The following IQCJ variants were observed in gnomAD, a reference collection of about 807,000 sequenced individuals.
The protein encoded by IQCJ is IQ motif containing J, also known as IQ domain-containing protein J.
IQCJ carries 9 observed loss-of-function variants against 11.0 expected under a neutral mutation model. The observed-to-expected ratio is 0.82, with a 90% CI of 0.49 to 1.43. The LOEUF is 1.43. IQCJ is among the 40% of genes most tolerant of loss of function. The pLI, the probability that IQCJ is intolerant of heterozygous loss-of-function variation, is 0.00. For missense variants in IQCJ, 146 were observed against 133.2 expected (o/e 1.10, Z -0.47); for synonymous variants, 55 against 51.3 (o/e 1.07, Z -0.31).
intron 1 of IQCJ, among the ~76,000 whole-genome samples, chr3:159,077,392 CAT>C (rs1456536325): frequency 1.3e-5 from 2 of 152,168 alleles, no homozygotes; most frequent in Middle Eastern, 3.4e-3. Flanking sequence ...TGAGCAAAGA[CAT>C]GTGGTGAAGT....
At chr3:159,078,223 A>G (rs542746391) in intron 1 of IQCJ, among the ~76,000 whole-genome samples, 2 of 123,566 alleles carry the variant, frequency 1.6e-5, no homozygotes, top group Admixed American at 8.3e-5. Flanking sequence ...TACACAGGGG[A>G]CTTTTTTACA....
intron 3 of IQCJ, among the ~76,000 whole-genome samples, chr3:159,258,424 T>C (rs1329689822): frequency 6.6e-6 from 1 of 152,112 alleles, no homozygotes; most frequent in African/African-American, 2.4e-5. Context: ...CCAAAGCTCG[T>C]GGGTAAAGAG....
chr3:159,081,606 T>C lies in IQCJ; in HGVS notation c.9+12165T>C, dbSNP rs1204698034. Among the ~76,000 whole-genome samples, 3 of 152,130 alleles carry C rather than the reference T, an allele frequency of 2.0e-5. No homozygotes were observed. In the East Asian group the frequency reaches 5.8e-4, roughly 29 times the overall value. Reference sequence around the variant, plus strand: ...ACAAATGAGCACATCATTTTTTCAGTGTGGTTGACCAAATCCTTCCCATTT... The same window carrying C: ...ACAAATGAGCACATCATTTTTTCAGCGTGGTTGACCAAATCCTTCCCATTT... On this transcript the variant is annotated intron_variant, in intron 1 of 3. Coordinates refer to ENST00000397832, the MANE Select transcript of IQCJ (RefSeq NM_001042706.3).
At chr3:159,172,845 T>C (rs1722564753) in intron 1 of IQCJ, among the ~76,000 whole-genome samples, 1 of 152,146 alleles carries the variant, frequency 6.6e-6, no homozygotes, top group Non-Finnish European at 1.5e-5. Flanking sequence ...GAAACTCATC[T>C]CTATTCACTA....
At chr3:159,213,150 G>A (rs920820208) in intron 1 of IQCJ, among the ~76,000 whole-genome samples, 1 of 152,166 alleles carries the variant, frequency 6.6e-6, no homozygotes, top group Admixed American at 6.5e-5. Flanking sequence ...TCCAGAACAG[G>A]TAAGAATGCC....
chr3:159,149,624 A>G (rs1352515907), intron 1 of IQCJ, among the ~76,000 whole-genome samples: 2 of 152,206 alleles, frequency 1.3e-5, no homozygotes, highest in Admixed American at 6.5e-5. Context: ...GAAAGCCTTC[A>G]TTTTGAAGCA....
intron 1 of IQCJ, among the ~76,000 whole-genome samples, chr3:159,081,940 C>T (rs528045483): frequency 2.3e-4 from 35 of 152,190 alleles, no homozygotes; most frequent in African/African-American, 7.9e-4. Context: ...TGCTTGTATT[C>T]AAACAAAACA....
At chr3:159,078,628 G>A (rs1279734353) in intron 1 of IQCJ, among the ~76,000 whole-genome samples, 2 of 151,244 alleles carry the variant, frequency 1.3e-5, no homozygotes, top group Admixed American at 1.3e-4. Context: ...AATGTGAAGT[G>A]GTTTAGTATT....
chr3:159,083,995 G>A (rs1363568613), intron 1 of IQCJ, among the ~76,000 whole-genome samples: 5 of 151,978 alleles, frequency 3.3e-5, no homozygotes, highest in Admixed American at 6.6e-5. Context: ...TGTGGTAGTC[G>A]TTACATGAAC....
chr3:159,116,461 T>C (rs921295980), intron 1 of IQCJ, among the ~76,000 whole-genome samples: 4 of 151,456 alleles, frequency 2.6e-5, no homozygotes, highest in Non-Finnish European at 1.5e-5. Flanking sequence ...TTCAAGAAGA[T>C]TGTGGATCTC....
At chr3:159,178,783 T>C (rs1424908022) in intron 1 of IQCJ, among the ~76,000 whole-genome samples, 44 of 152,110 alleles carry the variant, frequency 2.9e-4, no homozygotes, top group East Asian at 1.9e-4. Context: ...ATTATCTCAG[T>C]TGTAGGAGAA....
At chr3:159,206,897 T>C (rs1287168175) in intron 1 of IQCJ, among the ~76,000 whole-genome samples, 1 of 152,234 alleles carries the variant, frequency 6.6e-6, no homozygotes, top group African/African-American at 2.4e-5. Flanking sequence ...CTAGTTTAGA[T>C]CTTTCAAGTA....
chr3:159,139,388 CTG>C (rs1322261662), intron 1 of IQCJ, among the ~76,000 whole-genome samples: 9 of 152,150 alleles, frequency 5.9e-5, no homozygotes, highest in Non-Finnish European at 1.2e-4. Flanking sequence ...TGCTGTGAGA[CTG>C]TGTGACTTGG....
intron 1 of IQCJ, among the ~76,000 whole-genome samples, chr3:159,175,397 G>A (rs1306624619): frequency 6.6e-6 from 1 of 152,192 alleles, no homozygotes; most frequent in African/African-American, 2.4e-5. Context: ...CTTGAGCCCA[G>A]GAAGTCAAGG....
At chr3:159,127,284 G>C (rs768514351) in intron 1 of IQCJ, among the ~76,000 whole-genome samples, 1 of 152,168 alleles carries the variant, frequency 6.6e-6, no homozygotes, top group African/African-American at 2.4e-5. Context: ...AGAGGGAGTT[G>C]GGGAGGCAGG....
At chr3:159,195,630 C>T (rs1560021355) in intron 1 of IQCJ, among the ~76,000 whole-genome samples, 1 of 152,176 alleles carries the variant, frequency 6.6e-6, no homozygotes, top group South Asian at 2.1e-4. Context: ...GTGAATTCAG[C>T]CTTCTCTGAA....
intron 1 of IQCJ, among the ~76,000 whole-genome samples, chr3:159,106,463 T>A (rs527846060): frequency 1.1e-4 from 17 of 151,680 alleles, no homozygotes; most frequent in African/African-American, 4.1e-4. Flanking sequence ...GTCAGGAATT[T>A]GAGGAGCAAC....
chr3:159,077,838 A>C (rs1276728982), intron 1 of IQCJ, among the ~76,000 whole-genome samples: 1 of 152,102 alleles, frequency 6.6e-6, no homozygotes, highest in African/African-American at 2.4e-5. Context: ...AGTCAATAAA[A>C]AATTCCTTTG....
intron 1 of IQCJ, among the ~76,000 whole-genome samples, chr3:159,118,550 A>T (rs1037239001): frequency 1.3e-5 from 2 of 152,222 alleles, no homozygotes; most frequent in African/African-American, 4.8e-5. Context: ...TTGGAAAGCA[A>T]GTGTCAGGGA....
Sources: gnomAD v4.1 joint callset for allele counts (sites outside exome capture counted in the v4.1 genomes callset) on GRCh38, gnomAD v4.1.1 for gene constraint, MANE v1.5 for transcripts, NCBI Gene and HGNC (gene_info 2026-07-23, HGNC 2026-07-21) for gene names.